Variants in TTC6 observed in about 807,000 individuals in gnomAD.
TTC6 encodes the protein tetratricopeptide repeat domain 6, also known as tetratricopeptide repeat protein 6.
In TTC6, 172 loss-of-function variants were observed where a neutral mutation model predicts 210.4. The observed-to-expected ratio is 0.82, with a 90% CI of 0.72 to 0.93. The LOEUF is 0.93. Ranked by LOEUF, TTC6 falls within the 40% of genes least tolerant of loss-of-function variation. The pLI, the probability that TTC6 is intolerant of heterozygous loss-of-function variation, is 0.00. For missense variants in TTC6, 2,414 were observed against 2,318.1 expected, an observed-to-expected ratio of 1.04 and a Z score of -0.85; for synonymous variants, 804 against 819.6, an observed-to-expected ratio of 0.98 and a Z score of 0.32.
rs2095608969 is a variant in TTC6, at chr14:37,598,515, G to A, written c.-235+2507G>A. ...CCCGGCGCAGTCCCGCAGTACCTGA[G>A]CGGCACTCGGTCCTTTGACCACGCT... is the stretch of plus-strand genomic sequence containing the variant. On this transcript the variant is annotated intron_variant, in intron 1 of 2. Transcript: ENST00000556845. This position sits in a 1 kb window ranked among gnomAD's most constrained non-coding sequence, Gnocchi z 4.9. Among the ~76,000 whole-genome samples the A allele has an allele frequency of 6.6e-6, 1 of 152,242 alleles. No individual in the cohort carries two copies. The highest frequency in any genetic ancestry group is 6.5e-5 in the Admixed American group (1 of 15,292).
chr14:37,629,398 C>T (rs951544569), intron 1 of TTC6, among the ~76,000 whole-genome samples: 1 of 151,898 alleles, frequency 6.6e-6, no homozygotes, highest in Non-Finnish European at 1.5e-5. Context: ...CATGATTTGG[C>T]TCTCTGTTTG....
intron 24 of TTC6, among the ~76,000 whole-genome samples, chr14:37,810,337 A>C (rs2096127210): frequency 6.6e-6 from 1 of 152,172 alleles, no homozygotes; most frequent in South Asian, 2.1e-4. Context: ...CACCCATTGT[A>C]TTGTTATCTC....
At chr14:37,648,152 T>C (rs899175484) in intron 1 of TTC6, among the ~76,000 whole-genome samples, 4 of 152,200 alleles carry the variant, frequency 2.6e-5, no homozygotes, top group African/African-American at 9.6e-5. Flanking sequence ...GAATTTCTTG[T>C]TTAATACAGT....
exon 29 of TTC6, chr14:37,827,247 A>T: frequency 6.2e-7 from 1 of 1,613,112 alleles, no homozygotes; most frequent in East Asian, 2.2e-5. Flanking sequence ...TCATGAGTTT[A>T]TGGGCCACAA....
chr14:37,842,039 G>T, intron 30 of TTC6, 116 bp from the exon 33 acceptor site: 1 of 882,844 alleles, frequency 1.1e-6, no homozygotes, highest in Non-Finnish European at 1.6e-6. Flanking sequence ...TAAAGTTCTT[G>T]ATTTCATCCA....
intron 14 of TTC6, among the ~76,000 whole-genome samples, chr14:37,758,663 T>A (rs1029116136): frequency 1.3e-5 from 2 of 152,206 alleles, no homozygotes; most frequent in Non-Finnish European, 2.9e-5. Context: ...TATCTTTTAA[T>A]TTGGGCATTT....
intron 1 of TTC6, among the ~76,000 whole-genome samples, chr14:37,667,269 A>G (rs965683715): frequency 6.7e-6 from 1 of 150,024 alleles, no homozygotes; most frequent in Admixed American, 6.7e-5. Context: ...AAGTTAATCA[A>G]TTATTTCTTA....
At chr14:37,808,894 T>G (rs2096123982) in intron 24 of TTC6, 48 bp downstream of exon 26, 1 of 930,560 alleles carries the variant, frequency 1.1e-6, no homozygotes, top group Non-Finnish European at 1.7e-6. Flanking sequence ...GTTTAATAAA[T>G]AACATGCATT....
At chr14:37,746,529 G>A (rs2095936535) in intron 10 of TTC6, among the ~76,000 whole-genome samples, 1 of 152,162 alleles carries the variant, frequency 6.6e-6, no homozygotes, top group African/African-American at 2.4e-5. Flanking sequence ...TTTTTAACAA[G>A]CCTTTGGGTA....
rs1236277096 is a variant in TTC6 at position 37,606,759 on chromosome 14, T to A, written c.-155+17T>A. ...GGAAGTGAGGTATGATGTCTTCAGTTCTTTCCAGTTCATCCTCATCCTGTA... is the reference window on the plus strand; with the variant it reads ...GGAAGTGAGGTATGATGTCTTCAGTACTTTCCAGTTCATCCTCATCCTGTA... On this transcript the variant is annotated intron_variant, in intron 2 of 2. Transcript: ENST00000556845. 1 of 985,204 alleles carries A rather than the reference T, an allele frequency of 1.0e-6. No individual in the cohort carries two copies. Among genetic ancestry groups the A allele is most frequent in the East Asian group, 1.1e-4 (1 of 8,810 alleles). The allele number at this position is 985,204 out of a possible 1,614,324, so 61.0% of individuals were successfully genotyped here.
chr14:37,666,063 C>T (rs886860842), intron 1 of TTC6, among the ~76,000 whole-genome samples: 1 of 150,398 alleles, frequency 6.6e-6, no homozygotes, highest in Non-Finnish European at 1.5e-5. Context: ...TTAGATCATC[C>T]ATCTATATTA....
chr14:37,770,689 A>T (rs1371465227), intron 14 of TTC6, among the ~76,000 whole-genome samples: 1 of 150,562 alleles, frequency 6.6e-6, no homozygotes, highest in Non-Finnish European at 1.5e-5. Context: ...TTTTGAGCCT[A>T]TGTGTGTCTC....
At chr14:37,601,356 C>A (rs1201240031) in intron 1 of TTC6, among the ~76,000 whole-genome samples, 1 of 152,202 alleles carries the variant, frequency 6.6e-6, no homozygotes, top group Non-Finnish European at 1.5e-5. Flanking sequence ...GTGTCTCCTG[C>A]TGCCAGAGCA....
At chr14:37,599,765 T>C (rs2095611809) in intron 1 of TTC6, among the ~76,000 whole-genome samples, 1 of 152,102 alleles carries the variant, frequency 6.6e-6, no homozygotes. Flanking sequence ...GTCGACAGCG[T>C]TGGAAGGAAG....
chr14:37,596,323 A>G (rs1280943587), intron 1 of TTC6, among the ~76,000 whole-genome samples: 1 of 152,252 alleles, frequency 6.6e-6, no homozygotes, highest in East Asian at 1.9e-4. Flanking sequence ...TGGGCGCGGG[A>G]ACGCATCTGC....
At chr14:37,807,504 C>A in intron 23 of TTC6, 44 bp downstream of exon 25, 1 of 1,428,974 alleles carries the variant, frequency 7.0e-7, no homozygotes, top group South Asian at 1.5e-5. Flanking sequence ...TTAGGGTGGG[C>A]AGATTCTCTT....
chr14:37,707,589 T>G (rs936862650), intron 5 of TTC6, among the ~76,000 whole-genome samples: 19 of 152,102 alleles, frequency 1.2e-4, no homozygotes, highest in Non-Finnish European at 2.1e-4. Context: ...CAATCGCTTT[T>G]GTTTATCTGA....
chr14:37,681,439 T>A (rs2095783376), intron 2 of TTC6, among the ~76,000 whole-genome samples: 1 of 152,184 alleles, frequency 6.6e-6, no homozygotes, highest in African/African-American at 2.4e-5. Flanking sequence ...TCGTCTTGAT[T>A]ATTTAAAATA....
At chr14:37,812,395 A>G in exon 25 of TTC6, 1 of 1,613,028 alleles carries the variant, frequency 6.2e-7, no homozygotes, top group Non-Finnish European at 8.5e-7. Context: ...TCGTGGACTC[A>G]TCTACGTAGA....
Sources: allele counts gnomAD v4.1 joint callset (sites outside exome capture counted in the v4.1 genomes callset), GRCh38; gene constraint gnomAD v4.1.1; non-coding constraint Gnocchi (gnomAD v3.1); transcripts MANE v1.5; gene names NCBI Gene and HGNC (gene_info 2026-07-23, HGNC 2026-07-21).